The following ANKRD30B variants were observed in gnomAD, a reference collection of about 807,000 sequenced individuals.
ANKRD30B encodes ankyrin repeat domain-containing protein 30B.
ANKRD30B carries 144 observed loss-of-function variants against 202.2 expected under a neutral mutation model. The observed-to-expected ratio is 0.71, with a 90% CI of 0.62 to 0.82. ANKRD30B has a LOEUF of 0.82. Ranked by LOEUF, ANKRD30B falls within the 40% of genes least tolerant of loss-of-function variation. ANKRD30B has a pLI of 0.00. For synonymous variants in ANKRD30B, 508 were observed against 561.3 expected, an observed-to-expected ratio of 0.91 and a Z score of 1.34; for missense variants, 1,487 against 1,669.1, an observed-to-expected ratio of 0.89 and a Z score of 1.90.
intron 34 of ANKRD30B, among the ~76,000 whole-genome samples, chr18:14,835,420 G>A (rs2487253): frequency 6.6e-6 from 1 of 151,626 alleles, no homozygotes; most frequent in Non-Finnish European, 1.5e-5. Flanking sequence ...ACACTTAAAA[G>A]TATCTCTTGC....
the ANKRD30B span, among the ~76,000 whole-genome samples, chr18:14,872,460 C>G: frequency 6.6e-6 from 1 of 152,142 alleles, no homozygotes; most frequent in Non-Finnish European, 1.5e-5. Flanking sequence ...GTTTTTTATT[C>G]TATCAACTTA....
chr18:14,829,680 C>T (rs961720122), intron 33 of ANKRD30B, among the ~76,000 whole-genome samples: 2 of 152,058 alleles, frequency 1.3e-5, no homozygotes, highest in Admixed American at 6.6e-5. Flanking sequence ...TCAAAGAAGT[C>T]CTGAATAGAT....
At chr18:14,849,235 AACT>A (rs1191276973) in intron 40 of ANKRD30B, among the ~76,000 whole-genome samples, 7 of 151,944 alleles carry the variant, frequency 4.6e-5, no homozygotes, top group Non-Finnish European at 8.8e-5. Flanking sequence ...TACAAGACAT[AACT>A]GCATGTAAAT....
At chr18:14,768,726 T>C (rs752616592) in intron 7 of ANKRD30B, among the ~76,000 whole-genome samples, 19 of 152,176 alleles carry the variant, frequency 1.2e-4, no homozygotes, top group Admixed American at 3.3e-4. Context: ...ATAGAGCAGA[T>C]AAAGAGAGAC....
At chr18:14,847,610 A>G (rs1287029990) in intron 39 of ANKRD30B, among the ~76,000 whole-genome samples, 5 of 147,218 alleles carry the variant, frequency 3.4e-5, no homozygotes, top group Non-Finnish European at 7.5e-5. Flanking sequence ...TTTAGTTTTT[A>G]AAAGTATCTT....
chr18:14,923,670 AGTAGG>A, the ANKRD30B span, among the ~76,000 whole-genome samples: 1 of 152,200 alleles, frequency 6.6e-6, no homozygotes, highest in Non-Finnish European at 1.5e-5. Context: ...AAGGTACCCA[AGTAGG>A]GTTAAAATGG....
chr18:14,923,815 C>G, the ANKRD30B span, among the ~76,000 whole-genome samples: 1 of 152,214 alleles, frequency 6.6e-6, no homozygotes, highest in Non-Finnish European at 1.5e-5. Flanking sequence ...TCCAAACAGT[C>G]TCTCTCTGTG....
chr18:14,898,903 T>C, the ANKRD30B span, among the ~76,000 whole-genome samples: 17 of 152,198 alleles, frequency 1.1e-4, no homozygotes, highest in African/African-American at 3.1e-4. Flanking sequence ...CCCTTTCTCA[T>C]ACAGTATGAA....
rs144379574 is a variant in ANKRD30B, at chr18:14,852,584, T to C, written c.4476+164T>C. The C allele has an allele frequency of 3.8e-4, 374 of 975,022 alleles. No individual in the cohort carries two copies. The African/African-American group carries it at 5.8e-3, about 15-fold the overall frequency. The allele number at this position is 975,022 out of a possible 1,614,324, so 60.4% of individuals were successfully genotyped here. A position where few individuals can be genotyped will look rare whatever the true frequency, so the allele number is the denominator to read the frequency against. ...ATTTCCACCAAATGAAAGTGAAAGCTAAGAGACGTTTTACTTTGAGTAAAG... is the reference window on the plus strand; with the variant it reads ...ATTTCCACCAAATGAAAGTGAAAGCCAAGAGACGTTTTACTTTGAGTAAAG... On this transcript the variant is annotated intron_variant, in intron 42 of 43. Coordinates refer to ENST00000690538, the MANE Select transcript of ANKRD30B (RefSeq NM_001367607.2).
the ANKRD30B span, among the ~76,000 whole-genome samples, chr18:14,891,654 G>A: frequency 6.6e-6 from 1 of 151,354 alleles, no homozygotes; most frequent in African/African-American, 2.4e-5. Flanking sequence ...GGCCTGAATA[G>A]GCTAGAGAAA....
At position 14,755,248 on chromosome 18, in the gene ANKRD30B, T is replaced by G. The variant is rs1567978191; in HGVS notation, c.617+243T>G. On this transcript the variant is annotated intron_variant, in intron 4 of 43. Transcript: ENST00000690538. Reference sequence around the variant, plus strand: ...ATTCTTATTTGTAATCTGATGATTTTGGTTGCATTATTTTCTATTAGCTAA... The same window carrying G: ...ATTCTTATTTGTAATCTGATGATTTGGGTTGCATTATTTTCTATTAGCTAA... 2.0e-5 allele frequency among the ~76,000 whole-genome samples: 3 copies of G among 152,276 alleles called. No homozygotes were observed. The East Asian group carries it at 5.8e-4, about 29-fold the overall frequency.
chr18:14,784,242 C>T, intron 12 of ANKRD30B, 94 bp from the exon 13 acceptor site: 1 of 1,290,082 alleles, frequency 7.8e-7, no homozygotes, highest in South Asian at 1.3e-5. Context: ...TCAAAGTCAA[C>T]CAAGAGGACT....
chr18:14,796,067 T>G (rs1968866085), intron 16 of ANKRD30B, among the ~76,000 whole-genome samples, 154 bp from the exon 17 acceptor site: 1 of 152,186 alleles, frequency 6.6e-6, no homozygotes, highest in Non-Finnish European at 1.5e-5. Context: ...GTTGGCATGT[T>G]AACAAATACA....
chr18:14,765,430 T>C (rs1915958707), intron 7 of ANKRD30B, among the ~76,000 whole-genome samples: 1 of 148,916 alleles, frequency 6.7e-6, no homozygotes, highest in Non-Finnish European at 1.5e-5. Flanking sequence ...ACCATTGCAC[T>C]CCAGCCTGGG....
intron 7 of ANKRD30B, among the ~76,000 whole-genome samples, chr18:14,767,565 G>A (rs1916445573): frequency 6.6e-6 from 1 of 152,122 alleles, no homozygotes; most frequent in Non-Finnish European, 1.5e-5. Context: ...AGGTGAATGA[G>A]GTAGGAGTTG....
At chr18:14,853,353 A>C (rs967656162) in intron 42 of ANKRD30B, among the ~76,000 whole-genome samples, 8 of 152,182 alleles carry the variant, frequency 5.3e-5, no homozygotes, top group African/African-American at 1.4e-4. Context: ...AGGGATGTGG[A>C]GACCAGGTTA....
chr18:14,848,179 A>G lies in ANKRD30B; in HGVS notation c.3182-537A>G, dbSNP rs185564450. 1.0e-3 allele frequency among the ~76,000 whole-genome samples: 152 copies of G among 152,160 alleles called. 3 individuals carry two copies. The East Asian group carries it at 0.019, about 19-fold the overall frequency. The stretch of plus-strand genomic sequence containing the variant: ...TTTTTTTTTCTGTTTTTCAGGGACT[A>G]TCATCTTCTTTGCCTAATGTCCACT... On this transcript the variant is annotated intron_variant, in intron 39 of 43. Coordinates refer to ENST00000690538, the MANE Select transcript of ANKRD30B (RefSeq NM_001367607.2).
intron 26 of ANKRD30B, among the ~76,000 whole-genome samples, chr18:14,809,630 T>C (rs1215842781): frequency 6.6e-6 from 1 of 150,896 alleles, no homozygotes; most frequent in Non-Finnish European, 1.5e-5. Flanking sequence ...ATCTTGGTGA[T>C]GCAAAACCTC....
At chr18:14,764,211 C>A in intron 7 of ANKRD30B, 121 bp downstream of exon 7, 2 of 1,035,944 alleles carry the variant, frequency 1.9e-6, no homozygotes, top group Non-Finnish European at 2.7e-6. Context: ...GCTTAGGCAA[C>A]ACTTTTTAAT....
Sources: allele counts gnomAD v4.1 joint callset (sites outside exome capture counted in the v4.1 genomes callset), GRCh38; gene constraint gnomAD v4.1.1; transcripts MANE v1.5; gene names NCBI Gene and HGNC (gene_info 2026-07-23, HGNC 2026-07-21).